Variants in LYZL2 observed in about 807,000 individuals in gnomAD.
The protein encoded by LYZL2 is lysozyme like 2, also known as lysozyme-like protein 2.
Under a neutral mutation model 17.1 loss-of-function variants are expected in LYZL2, and 13 were observed. That is an observed-to-expected ratio of 0.76 (90% CI 0.49 to 1.21). The LOEUF is 1.21. LYZL2 is among the 50% of genes most tolerant of loss of function. LYZL2 has a pLI of 0.00. For synonymous variants in LYZL2, 63 were observed against 74.4 expected (o/e 0.85, Z 0.79); for missense variants, 166 against 189.2 (o/e 0.88, Z 0.72).
chr10:30,614,316 C>G (rs1002486265), intron 3 of LYZL2, among the ~76,000 whole-genome samples: 1 of 152,236 alleles, frequency 6.6e-6, no homozygotes, highest in African/African-American at 2.4e-5. Context: ...GCAGACCCAG[C>G]AATTCATTGG....
intron 1 of LYZL2, among the ~76,000 whole-genome samples, chr10:30,628,801 A>G (rs367678295): frequency 9.3e-4 from 142 of 152,282 alleles, no homozygotes; most frequent in African/African-American, 2.0e-3. Context: ...AAGCAATAAG[A>G]TAAGGAACTG....
At chr10:30,626,064 C>T (rs1279413548) in intron 3 of LYZL2, 41 bp downstream of exon 3, 2 of 1,589,972 alleles carry the variant, frequency 1.3e-6, no homozygotes, top group South Asian at 1.1e-5. Context: ...GCTTTCTCAC[C>T]TGGTCCTGAG....
At chr10:30,628,015 C>G (rs1350255265) in intron 1 of LYZL2, among the ~76,000 whole-genome samples, 1 of 152,096 alleles carries the variant, frequency 6.6e-6, no homozygotes, top group African/African-American at 2.4e-5. Context: ...AAAAAATTAG[C>G]CGGGTGTGGT....
chr10:30,625,651 T>C (rs2132949948), intron 3 of LYZL2, among the ~76,000 whole-genome samples: 1 of 152,128 alleles, frequency 6.6e-6, no homozygotes, highest in East Asian at 1.9e-4. Context: ...ACCACTACAC[T>C]CCAGCCTGGG....
chr10:30,611,570 G>GAAAGAAAGAAAGAAAGAAA (rs1554784962), downstream of LYZL2, among the ~76,000 whole-genome samples: 2 of 54,124 alleles, frequency 3.7e-5, no homozygotes, highest in South Asian at 8.4e-4. Flanking sequence ...AAGGAAGGAA[G>GAAAGAAAGAAAGAAAGAAA]GAAAGAAAGA....
intron 3 of LYZL2, 89 bp from the exon 4 acceptor site, chr10:30,612,989 T>G (rs1838468897): frequency 1.0e-6 from 1 of 977,812 alleles, no homozygotes; most frequent in South Asian, 1.4e-5. Context: ...TCTCAGTCTT[T>G]TTGGGATGGG....
chr10:30,607,717 T>A (rs1191706420), downstream of LYZL2, among the ~76,000 whole-genome samples: 2 of 140,316 alleles, frequency 1.4e-5, no homozygotes, highest in African/African-American at 3.0e-5. Flanking sequence ...ACACCCAGGA[T>A]TCCTCCCAGA....
chr10:30,606,622 A>G, the LYZL2 span, among the ~76,000 whole-genome samples: 3 of 151,974 alleles, frequency 2.0e-5, no homozygotes, highest in South Asian at 2.1e-4. Context: ...TGTTATTCCT[A>G]TTTTACAGGA....
downstream of LYZL2, among the ~76,000 whole-genome samples, chr10:30,609,670 A>C (rs1167141439): frequency 6.6e-6 from 1 of 152,242 alleles, no homozygotes; most frequent in Non-Finnish European, 1.5e-5. Context: ...GGTAACCAAC[A>C]GATAATGTGG....
intron 1 of LYZL2, among the ~76,000 whole-genome samples, chr10:30,629,307 TC>T (rs2132956812): frequency 1.3e-5 from 2 of 151,746 alleles, no homozygotes; most frequent in South Asian, 4.2e-4. Context: ...GGTGGGAGGA[TC>T]TTTTAAGGCT....
intron 4 of LYZL2, 35 bp downstream of exon 4, chr10:30,612,787 A>G (rs762611352): frequency 2.7e-6 from 4 of 1,503,184 alleles, no homozygotes; most frequent in Non-Finnish European, 3.6e-6. Context: ...GGTTTTGCCC[A>G]TGACAGCCCA....
downstream of LYZL2, among the ~76,000 whole-genome samples, chr10:30,610,968 C>T (rs1474034359): frequency 2.6e-5 from 4 of 152,068 alleles, no homozygotes; most frequent in Non-Finnish European, 2.9e-5. Context: ...ATGCATACAT[C>T]GATGGTCCTT....
At chr10:30,608,695 C>T (rs1003338304), downstream of LYZL2, among the ~76,000 whole-genome samples, 2 of 152,110 alleles carry the variant, frequency 1.3e-5, no homozygotes, top group Non-Finnish European at 2.9e-5. Context: ...TCCCCTATAT[C>T]CCAAGGTTGT....
In LYZL2 at chr10:30,626,255, T is replaced by C. The variant is rs776800377; in HGVS notation, c.148A>G (p.Met50Val). The C allele has an allele frequency of 2.5e-6, 4 of 1,613,884 alleles. No homozygotes were observed. Among genetic ancestry groups the C allele is most frequent in the East Asian group, 2.2e-5 (1 of 44,890 alleles). Residue 50 changes from methionine to valine, a missense_variant, in exon 3 of 5, where the codon ATG becomes GTG. By Grantham distance (21) the Met-to-Val change is conservative. Transcript: ENST00000647634. ...WGFSLGNWIC[M>V]AYYESGYNTT... ...TTGTAGCCGCTCTCATAATACGCCATGCAGATCCCTGGAGGGGGGAAAGCC... is the reference window on the plus strand; with the variant it reads ...TTGTAGCCGCTCTCATAATACGCCACGCAGATCCCTGGAGGGGGGAAAGCC...
chr10:30,626,339 T>C, intron 2 of LYZL2, 76 bp from the exon 3 acceptor site: 1 of 1,575,426 alleles, frequency 6.3e-7, no homozygotes. Context: ...AGGGCAAGTT[T>C]CCTCATCCCT....
rs558593452 is a variant in LYZL2 at position 30,618,902 on chromosome 10, G to T, written c.299-6002C>A. ...GAGTGAACAGGCAACCTACAGAATG[G>T]GAGAAAATTTTTGCAATCTACTCAT... On this transcript the variant is annotated intron_variant, in intron 3 of 4. Transcript: ENST00000647634. Among the ~76,000 whole-genome samples the T allele has an allele frequency of 1.1e-3, 163 of 152,168 alleles. 3 individuals carry two copies. The highest frequency in any genetic ancestry group is 3.7e-3 in the African/African-American group (155 of 41,512).
At position 30,621,098 on chromosome 10, in the gene LYZL2, T is replaced by C. The variant is rs115017746; in HGVS notation, c.298+5007A>G. Among the ~76,000 whole-genome samples the C allele has an allele frequency of 6.7e-3, 1,015 of 152,188 alleles. 13 individuals are homozygous for C. Among genetic ancestry groups the C allele is most frequent in the African/African-American group, 0.022 (913 of 41,494 alleles). Reference sequence around the variant, plus strand: ...AAATTATAAACTCAGGGATACAAAATGTTAATGAATACCAAGTAAGATAAA... The same window carrying C: ...AAATTATAAACTCAGGGATACAAAACGTTAATGAATACCAAGTAAGATAAA... On this transcript the variant is annotated intron_variant, in intron 3 of 4. Coordinates refer to ENST00000647634, the MANE Select transcript of LYZL2 (RefSeq NM_183058.3).
chr10:30,616,381 C>T (rs1292529873), intron 3 of LYZL2, among the ~76,000 whole-genome samples: 2 of 152,196 alleles, frequency 1.3e-5, no homozygotes, highest in African/African-American at 4.8e-5. Context: ...AAAGCTATAT[C>T]AGCTTATAAA....
At chr10:30,611,718 G>GAAAGAAAGAAAGA (rs1554785015), downstream of LYZL2, 3 of 466,878 alleles carry the variant, frequency 6.4e-6, no homozygotes, top group Non-Finnish European at 1.1e-5. Flanking sequence ...AAGAAAGAAA[G>GAAAGAAAGAAAGA]AAAGAAAAGA....
Sources: allele counts gnomAD v4.1 joint callset (sites outside exome capture counted in the v4.1 genomes callset), GRCh38; gene constraint gnomAD v4.1.1; transcripts MANE v1.5; gene names NCBI Gene and HGNC (gene_info 2026-07-23, HGNC 2026-07-21).